CNTNAP5: variants seen among roughly 807,000 people sequenced by gnomAD.
The protein encoded by CNTNAP5 is contactin-associated protein-like 5.
CNTNAP5 carries 72 observed loss-of-function variants against 150.2 expected under a neutral mutation model. That is an observed-to-expected ratio of 0.48 (90% CI 0.40 to 0.58). The LOEUF is 0.58. Ranked by LOEUF, CNTNAP5 falls within the 20% of genes least tolerant of loss-of-function variation. The pLI is 0.00. For synonymous variants in CNTNAP5, 672 were observed against 619.8 expected (o/e 1.08, Z -1.25); for missense variants, 1,636 against 1,626.2 (o/e 1.01, Z -0.10).
In CNTNAP5 at chr2:124,025,292, C is replaced by T. The variant is rs571883372; in HGVS notation, c.-359C>T. 1 of 271,944 alleles carries T rather than the reference C, an allele frequency of 3.7e-6. No homozygotes were observed. Among genetic ancestry groups the T allele is most frequent in the South Asian group, 4.6e-5 (1 of 21,552 alleles). 16.8% of individuals were successfully genotyped at this position (271,944 alleles called of 1,614,324 possible). On this transcript the variant is annotated 5_prime_UTR_variant, in exon 1 of 24. Transcript: ENST00000682447. Reference sequence around the variant, plus strand: ...CTGTCCGCCACCCGGGTGCTGATTCCAGCTCTCGCGCCCGACGAGGTGGAT... The same window carrying T: ...CTGTCCGCCACCCGGGTGCTGATTCTAGCTCTCGCGCCCGACGAGGTGGAT...
At chr2:124,350,592 G>A (rs759134763) in intron 3 of CNTNAP5, among the ~76,000 whole-genome samples, 1 of 151,266 alleles carries the variant, frequency 6.6e-6, no homozygotes, top group Non-Finnish European at 1.5e-5. Flanking sequence ...CCCCGCAAAA[G>A]CTTCAATATC....
intron 13 of CNTNAP5, among the ~76,000 whole-genome samples, chr2:124,706,798 G>GAAGA (rs1558743008): frequency 0.021 from 151 of 7,234 alleles, 1 homozygote; most frequent in Non-Finnish European, 0.03. Context: ...GAAGAAGAAG[G>GAAGA]AGGAGGAGGA....
At chr2:124,148,781 G>A (rs1238048732) in intron 1 of CNTNAP5, among the ~76,000 whole-genome samples, 1 of 39,150 alleles carries the variant, frequency 2.6e-5, no homozygotes, top group South Asian at 1.4e-3. Flanking sequence ...GCACATATGT[G>A]TGTATACATA....
intron 8 of CNTNAP5, among the ~76,000 whole-genome samples, chr2:124,511,618 T>A (rs1694593151): frequency 6.6e-6 from 1 of 152,194 alleles, no homozygotes; most frequent in Non-Finnish European, 1.5e-5. Flanking sequence ...TCATGATTTC[T>A]TGAGAGAAAA....
intron 1 of CNTNAP5, among the ~76,000 whole-genome samples, chr2:124,146,943 C>T (rs1374719879): frequency 6.6e-6 from 1 of 152,134 alleles, no homozygotes; most frequent in Non-Finnish European, 1.5e-5. Context: ...GGGGAGCTCA[C>T]ATTTGAGTGT....
chr2:124,528,088 G>T (rs894202502), intron 10 of CNTNAP5, among the ~76,000 whole-genome samples: 1 of 152,120 alleles, frequency 6.6e-6, no homozygotes, highest in Non-Finnish European at 1.5e-5. Context: ...TTGCATCAAG[G>T]TTTACCATGT....
chr2:124,472,734 T>C, intron 6 of CNTNAP5, among the ~76,000 whole-genome samples: 1 of 151,954 alleles, frequency 6.6e-6, no homozygotes, highest in East Asian at 1.9e-4. Flanking sequence ...TTATAGTCTA[T>C]TAAGTGTGCA....
At chr2:124,499,144 A>T (rs1694218697) in intron 7 of CNTNAP5, among the ~76,000 whole-genome samples, 1 of 152,176 alleles carries the variant, frequency 6.6e-6, no homozygotes, top group Non-Finnish European at 1.5e-5. Context: ...GACCAGAGAA[A>T]GGCATGTTTT....
intron 7 of CNTNAP5, among the ~76,000 whole-genome samples, chr2:124,477,313 C>T (rs1488174247): frequency 6.6e-6 from 1 of 152,030 alleles, no homozygotes; most frequent in Non-Finnish European, 1.5e-5. Flanking sequence ...TAAATATAAT[C>T]TATAAGAATT....
rs1194846363 is a variant in CNTNAP5 at position 124,911,871 on chromosome 2, C to T, written c.3727+333C>T. ...GTTTCTAAAATGCAAACAAAGCAAA[C>T]CAATAAAACTAAATTCGGGGAAGAA... On this transcript the variant is annotated intron_variant, in intron 23 of 23. Transcript: ENST00000682447. 4.6e-5 allele frequency among the ~76,000 whole-genome samples: 7 copies of T among 152,186 alleles called. No homozygotes were observed. The East Asian group carries it at 1.4e-3, about 30-fold the overall frequency.
At chr2:124,362,092 C>T (rs1020862971) in intron 3 of CNTNAP5, among the ~76,000 whole-genome samples, 11 of 152,234 alleles carry the variant, frequency 7.2e-5, no homozygotes, top group African/African-American at 2.7e-4. Context: ...TCCGTCACCC[C>T]TTTCTTTGAC....
At chr2:124,366,391 A>G (rs192498101) in intron 3 of CNTNAP5, among the ~76,000 whole-genome samples, 1 of 152,306 alleles carries the variant, frequency 6.6e-6, no homozygotes, top group Non-Finnish European at 1.5e-5. Context: ...AATATAACAC[A>G]TTAAAAAATA....
rs375601691 is a variant in CNTNAP5 at position 124,233,785 on chromosome 2, T to TTATATATA, written c.188-8403_188-8396dup. Among the ~76,000 whole-genome samples, 48 of 147,228 alleles carry TTATATATA rather than the reference T, an allele frequency of 3.3e-4. 1 individual carries two copies. The highest frequency in any genetic ancestry group is 1.9e-4 in the Non-Finnish European group (13 of 66,824). ...GTCCATAGTTGTGATGCCTGTGAGT[T>TTATATATA]TATATATATATATATATATTATTTT... On this transcript the variant is annotated intron_variant, in intron 2 of 23. Transcript: ENST00000682447.
intron 1 of CNTNAP5, among the ~76,000 whole-genome samples, chr2:124,142,889 G>T (rs1051620052): frequency 6.7e-6 from 1 of 149,756 alleles, no homozygotes; most frequent in Admixed American, 6.6e-5. Context: ...TTGATAGACC[G>T]CTAGCAAGAC....
chr2:124,277,084 A>T (rs1300676666), intron 3 of CNTNAP5, among the ~76,000 whole-genome samples: 1 of 152,162 alleles, frequency 6.6e-6, no homozygotes, highest in Admixed American at 6.6e-5. Context: ...CCTTTCCCAC[A>T]CCACATGTAA....
chr2:124,552,347 G>A (rs1179768264), intron 10 of CNTNAP5, among the ~76,000 whole-genome samples: 2 of 152,172 alleles, frequency 1.3e-5, no homozygotes, highest in Non-Finnish European at 2.9e-5. Flanking sequence ...TATGACAGCT[G>A]CATCCAGGCA....
chr2:124,451,047 A>ATATATATATAT (rs1426752191), intron 6 of CNTNAP5, among the ~76,000 whole-genome samples: 2 of 73,600 alleles, frequency 2.7e-5, no homozygotes, highest in South Asian at 5.1e-4. Flanking sequence ...AAAAAAAAAA[A>ATATATATATAT]AAAAATATAT....
chr2:124,630,689 C>G (rs1012591072), intron 12 of CNTNAP5, among the ~76,000 whole-genome samples: 2 of 152,116 alleles, frequency 1.3e-5, no homozygotes, highest in Non-Finnish European at 2.9e-5. Flanking sequence ...TTCCTCATCA[C>G]TCTTATTCAA....
intron 2 of CNTNAP5, among the ~76,000 whole-genome samples, chr2:124,226,579 C>CT (rs1686465281): frequency 6.6e-6 from 1 of 151,816 alleles, no homozygotes; most frequent in Admixed American, 6.6e-5. Flanking sequence ...AATTCTTTTT[C>CT]TTTTTTGTAC....
Sources: allele counts gnomAD v4.1 joint callset (sites outside exome capture counted in the v4.1 genomes callset), GRCh38; gene constraint gnomAD v4.1.1; transcripts MANE v1.5; gene names NCBI Gene and HGNC (gene_info 2026-07-23, HGNC 2026-07-21).